Variants in POLE2 observed in about 807,000 individuals in gnomAD.
POLE2 encodes DNA polymerase epsilon 2, accessory subunit, also known as DNA polymerase epsilon subunit 2.
In POLE2, 56 loss-of-function variants were observed where a neutral mutation model predicts 79.4. That is an observed-to-expected ratio of 0.71 (90% confidence interval 0.57 to 0.88). The LOEUF (loss-of-function observed/expected upper bound fraction) is 0.88. Among genes scored for constraint, POLE2 ranks in the 40% least tolerant of loss-of-function variants. The pLI is 0.00. For synonymous variants in POLE2, 212 were observed against 214.0 expected (o/e 0.99, Z 0.08); for missense variants, 598 against 638.9 (o/e 0.94, Z 0.69).
intron 13 of POLE2, 80 bp from the exon 14 acceptor site, chr14:49,654,294 T>C: frequency 1.1e-6 from 1 of 921,170 alleles, no homozygotes; most frequent in Non-Finnish European, 1.7e-6. Flanking sequence ...TTATTCCCTT[T>C]GTTTTCTCTT....
intron 3 of POLE2, among the ~76,000 whole-genome samples, chr14:49,676,991 T>C (rs181954926): frequency 3.5e-4 from 54 of 152,362 alleles, no homozygotes; most frequent in African/African-American, 1.1e-3. Flanking sequence ...TCATGGGCCA[T>C]GCACTGTGTG....
chr14:49,654,962 A>G (rs1413899023), intron 12 of POLE2, 43 bp downstream of exon 12: 12 of 1,399,280 alleles, frequency 8.6e-6, no homozygotes, highest in Non-Finnish European at 1.2e-5. Flanking sequence ...ACTTTAGTTT[A>G]TATGACTATA....
chr14:49,682,640 G>GAAAAAAAAAAAA (rs35984833), intron 2 of POLE2, among the ~76,000 whole-genome samples: 1 of 60,976 alleles, frequency 1.6e-5, no homozygotes, highest in African/African-American at 5.7e-5. Context: ...CCTTCTCAGG[G>GAAAAAAAAAAAA]AAAAAAAAAA....
chr14:49,672,291 C>G (rs924315017), intron 5 of POLE2, among the ~76,000 whole-genome samples: 13 of 152,144 alleles, frequency 8.5e-5, no homozygotes, highest in Non-Finnish European at 1.8e-4. Flanking sequence ...TGTACAAAAC[C>G]CACGAGGTGG....
chr14:49,688,053 G>T, intron 1 of POLE2, 83 bp downstream of exon 1: 1 of 1,186,538 alleles, frequency 8.4e-7, no homozygotes, highest in Non-Finnish European at 1.2e-6. Flanking sequence ...GCGGGGAGCC[G>T]CCGCGGTGCG....
intron 16 of POLE2, 47 bp from the exon 17 acceptor site, chr14:49,650,488 G>C (rs1263528521): frequency 8.0e-7 from 1 of 1,253,716 alleles, no homozygotes; most frequent in Non-Finnish European, 1.0e-6. Context: ...ATTTGCAAAA[G>C]TGAAAATAGC....
intron 10 of POLE2, among the ~76,000 whole-genome samples, chr14:49,659,722 A>C (rs1566542511): frequency 6.6e-6 from 1 of 152,114 alleles, no homozygotes; most frequent in Non-Finnish European, 1.5e-5. Context: ...CTAGGACTAC[A>C]GGTACACACT....
intron 2 of POLE2, 142 bp from the exon 3 acceptor site, chr14:49,679,942 G>C: frequency 1.7e-6 from 1 of 589,088 alleles, no homozygotes. Flanking sequence ...AAAAGTGTTA[G>C]GTCAGAACAA....
At chr14:49,673,623 T>C (rs1401497791) in intron 5 of POLE2, among the ~76,000 whole-genome samples, 1 of 152,228 alleles carries the variant, frequency 6.6e-6, no homozygotes, top group East Asian at 1.9e-4. Context: ...CTACTTTATG[T>C]ATTGCACAAA....
intron 6 of POLE2, among the ~76,000 whole-genome samples, chr14:49,668,653 T>C (rs572525707): frequency 6.6e-6 from 1 of 152,258 alleles, no homozygotes; most frequent in East Asian, 1.9e-4. Flanking sequence ...TAAAATTACT[T>C]TGTCAAAGAG....
rs140826819 is a variant in POLE2 at position 49,644,787 on chromosome 14, C to T, written c.1566-1117G>A. 7.9e-3 allele frequency among the ~76,000 whole-genome samples: 1,196 copies of T among 152,148 alleles called. 17 individuals carry two copies. Among genetic ancestry groups the T allele is most frequent in the African/African-American group, 0.027 (1,136 of 41,526 alleles). On this transcript the variant is annotated intron_variant, in intron 18 of 18. Transcript: ENST00000216367. The stretch of plus-strand genomic sequence containing the variant: ...GGGCGCAGTGGCTCATGCCTGTAAT[C>T]CCAGCCACTTTGGGAGGCCAAGACC...
At chr14:49,669,332 G>A (rs1286741987) in intron 6 of POLE2, among the ~76,000 whole-genome samples, 192 bp downstream of exon 6, 4 of 152,206 alleles carry the variant, frequency 2.6e-5, no homozygotes, top group African/African-American at 4.8e-5. Flanking sequence ...GGAAGCAGTA[G>A]CTTCTGTTAG....
intron 10 of POLE2, among the ~76,000 whole-genome samples, chr14:49,658,312 G>A (rs1289833609): frequency 1.3e-5 from 2 of 152,024 alleles, no homozygotes; most frequent in South Asian, 2.1e-4. Context: ...TCCTGACCTC[G>A]TGATCCGCCC....
intron 7 of POLE2, 120 bp from the exon 8 acceptor site, chr14:49,665,283 G>A: frequency 1.6e-6 from 1 of 611,476 alleles, no homozygotes; most frequent in Non-Finnish European, 2.9e-6. Context: ...TTAAAAATCA[G>A]CTATTATTTC....
At position 49,660,886 on chromosome 14, in the gene POLE2, C is replaced by T. The variant is rs145052869; in HGVS notation, c.755+2429G>A. ...AGCCTGGGCAACAAGAGCAAAACTC[C>T]GTCTTAAAAAAAGTTTGTGACCATG... is the stretch of plus-strand genomic sequence containing the variant. On this transcript the variant is annotated intron_variant, in intron 10 of 18. Transcript: ENST00000216367. Among the ~76,000 whole-genome samples the T allele has an allele frequency of 4.1e-3, 625 of 152,178 alleles. 5 individuals carry two copies. The highest frequency in any genetic ancestry group is 6.8e-3 in the South Asian group (33 of 4,822).
chr14:49,679,722 T>C lies in POLE2; in HGVS notation c.245+3A>G. ...AGGAAAAAAGTTAACTGTACCCACA[T>C]ACATAGTTTCATCAACAGACTGACT... On this transcript the variant is annotated splice_donor_region_variant and intron_variant, in intron 3 of 18. Transcript: ENST00000216367. 1.9e-6 allele frequency: 3 copies of C among 1,549,132 alleles called. No homozygotes were observed. Among genetic ancestry groups the C allele is most frequent in the Non-Finnish European group, 2.7e-6 (3 of 1,121,982 alleles).
At chr14:49,677,716 T>G (rs542285591) in intron 3 of POLE2, 61 of 1,390,208 alleles carry the variant, frequency 4.4e-5, no homozygotes, top group Admixed American at 6.5e-5. Context: ...GTGTGGCCCT[T>G]GCTGTGCAGA....
chr14:49,649,005 A>C (rs2139605130), intron 17 of POLE2, among the ~76,000 whole-genome samples: 1 of 152,252 alleles, frequency 6.6e-6, no homozygotes, highest in South Asian at 2.1e-4. Flanking sequence ...TCTAAAATTC[A>C]CAAGAATCAA....
intron 10 of POLE2, among the ~76,000 whole-genome samples, chr14:49,658,045 C>T (rs560665024): frequency 3.3e-5 from 5 of 151,950 alleles, no homozygotes; most frequent in Middle Eastern, 3.4e-3. Flanking sequence ...CTACCCTGTA[C>T]TGCTCCCTGC....
Sources: gnomAD v4.1 joint callset for allele counts (sites outside exome capture counted in the v4.1 genomes callset) on GRCh38, gnomAD v4.1.1 for gene constraint, MANE v1.5 for transcripts, NCBI Gene and HGNC (gene_info 2026-07-23, HGNC 2026-07-21) for gene names.